Variants in DYM observed in about 807,000 individuals in gnomAD.
DYM encodes the protein dymeclin, also known as dyggve-Melchior-Clausen syndrome protein.
Under a neutral mutation model 93.1 loss-of-function variants are expected in DYM, and 78 were observed. The observed-to-expected ratio is 0.84, with a 90% confidence interval of 0.70 to 1.01. The LOEUF (loss-of-function observed/expected upper bound fraction) is 1.01. Among genes scored for constraint, DYM ranks in the 50% least tolerant of loss-of-function variants. The pLI is 0.00. For missense variants in DYM, 789 were observed against 845.0 expected, an observed-to-expected ratio of 0.93 and a Z score of 0.82; for synonymous variants, 321 against 319.7, an observed-to-expected ratio of 1.00 and a Z score of -0.04.
chr18:49,056,867 T>C (rs190993032), intron 17 of DYM, among the ~76,000 whole-genome samples: 263 of 152,352 alleles, frequency 1.7e-3, no homozygotes, highest in African/African-American at 6.1e-3. Flanking sequence ...CATTTTTGTA[T>C]TTTTTGTAAA....
intron 17 of DYM, among the ~76,000 whole-genome samples, chr18:49,079,915 T>C (rs1301689706): frequency 1.8e-3 from 272 of 151,452 alleles, no homozygotes; most frequent in African/African-American, 5.9e-3. Flanking sequence ...CAATGAGCTG[T>C]TGGGTACACC....
At chr18:49,236,455 G>A (rs2093865574) in intron 13 of DYM, among the ~76,000 whole-genome samples, 1 of 150,326 alleles carries the variant, frequency 6.7e-6, no homozygotes. Flanking sequence ...ACTCCAGCCT[G>A]GGCGACAGAG....
At chr18:49,373,132 T>C (rs766857055) in intron 5 of DYM, among the ~76,000 whole-genome samples, 5 of 152,070 alleles carry the variant, frequency 3.3e-5, no homozygotes, top group Admixed American at 6.5e-5. Context: ...TATATTACAA[T>C]AAAAATGATA....
chr18:49,355,650 G>A (rs1029149695), intron 6 of DYM, among the ~76,000 whole-genome samples: 14 of 152,108 alleles, frequency 9.2e-5, no homozygotes, highest in East Asian at 7.7e-4. Context: ...GGACACTGAC[G>A]GTGCAGAAGG....
At chr18:49,311,046 C>T (rs936826736) in intron 8 of DYM, among the ~76,000 whole-genome samples, 1 of 151,854 alleles carries the variant, frequency 6.6e-6, no homozygotes, top group Admixed American at 6.6e-5. Flanking sequence ...GTGTATTTTC[C>T]ACTTGGAACA....
chr18:49,161,113 G>A (rs1467564482), intron 15 of DYM, among the ~76,000 whole-genome samples: 2 of 150,422 alleles, frequency 1.3e-5, no homozygotes, highest in African/African-American at 4.9e-5. Flanking sequence ...GATTGTCAAT[G>A]ACAGATTCCA....
At chr18:49,182,403 C>G (rs550180746) in intron 14 of DYM, among the ~76,000 whole-genome samples, 3 of 152,192 alleles carry the variant, frequency 2.0e-5, no homozygotes, top group Non-Finnish European at 4.4e-5. Flanking sequence ...AAAGCTCCAA[C>G]TATAACTGTA....
chr18:49,194,525 A>G (rs2091262414), intron 14 of DYM, among the ~76,000 whole-genome samples: 1 of 152,186 alleles, frequency 6.6e-6, no homozygotes, highest in South Asian at 2.1e-4. Flanking sequence ...TTCTCATGAC[A>G]TCCTTCTTAC....
intron 1 of DYM, among the ~76,000 whole-genome samples, chr18:49,453,204 G>A (rs1237412852): frequency 1.3e-5 from 1 of 77,678 alleles, no homozygotes; most frequent in Admixed American, 1.1e-4. Flanking sequence ...GGGACTTGGA[G>A]AACTTTTGTG....
chr18:49,287,326 T>C (rs1568175385), intron 8 of DYM, among the ~76,000 whole-genome samples: 1 of 150,016 alleles, frequency 6.7e-6, no homozygotes, highest in African/African-American at 2.4e-5. Context: ...CACATTTTCA[T>C]ATATATATTT....
chr18:49,424,525 T>C (rs957095470), intron 2 of DYM, among the ~76,000 whole-genome samples: 4 of 151,972 alleles, frequency 2.6e-5, no homozygotes, highest in African/African-American at 4.8e-5. Context: ...CTGTTCAACA[T>C]AGTGTTGGAA....
chr18:49,101,138 C>A (rs1312539660), intron 16 of DYM, among the ~76,000 whole-genome samples: 1 of 152,128 alleles, frequency 6.6e-6, no homozygotes, highest in East Asian at 1.9e-4. Context: ...GTATAGCAAC[C>A]ATTAAAACTA....
intron 13 of DYM, among the ~76,000 whole-genome samples, chr18:49,234,433 G>C (rs924248473): frequency 6.6e-6 from 1 of 152,222 alleles, no homozygotes; most frequent in African/African-American, 2.4e-5. Context: ...CTCCAGCCTG[G>C]GTAACAGAGA....
chr18:49,150,482 CA>C, intron 15 of DYM, among the ~76,000 whole-genome samples: 1 of 152,184 alleles, frequency 6.6e-6, no homozygotes, highest in Non-Finnish European at 1.5e-5. Flanking sequence ...GCCATGTGAG[CA>C]CACATTGAGA....
chr18:49,154,671 A>G (rs539691254), intron 15 of DYM, among the ~76,000 whole-genome samples: 18 of 152,134 alleles, frequency 1.2e-4, no homozygotes, highest in Non-Finnish European at 2.2e-4. Flanking sequence ...CTGGGATTAC[A>G]GGTGTGAGCC....
At chr18:49,078,390 AAT>A (rs60812953) in intron 17 of DYM, among the ~76,000 whole-genome samples, 12 of 150,244 alleles carry the variant, frequency 8.0e-5, no homozygotes, top group South Asian at 2.1e-4. Flanking sequence ...CAAAAATTAA[AAT>A]ATATATATAT....
chr18:49,372,290 A>C (rs1204736178), intron 5 of DYM, among the ~76,000 whole-genome samples: 1 of 152,254 alleles, frequency 6.6e-6, no homozygotes, highest in African/African-American at 2.4e-5. Flanking sequence ...AATTGGCAGA[A>C]AATATAAAAA....
intron 2 of DYM, among the ~76,000 whole-genome samples, chr18:49,412,693 A>G (rs1326151880): frequency 2.0e-5 from 3 of 152,214 alleles, no homozygotes; most frequent in African/African-American, 7.2e-5. Flanking sequence ...TTCAACTTGA[A>G]AAGTTCTAAT....
chr18:49,202,645 G>A (rs1175544612), intron 14 of DYM, among the ~76,000 whole-genome samples: 3 of 106,392 alleles, frequency 2.8e-5, no homozygotes, highest in African/African-American at 1.1e-4. Context: ...CTGCCCCGCC[G>A]CCCCATCTGG....
Sources: allele counts gnomAD v4.1 joint callset (sites outside exome capture counted in the v4.1 genomes callset), GRCh38; gene constraint gnomAD v4.1.1; transcripts MANE v1.5; gene names NCBI Gene and HGNC (gene_info 2026-07-23, HGNC 2026-07-21).